ITFG1: variants seen among roughly 807,000 people sequenced by gnomAD.
ITFG1 encodes integrin alpha FG-GAP repeat containing 1.
In ITFG1, 34 loss-of-function variants were observed where a neutral mutation model predicts 81.8. The observed-to-expected ratio is 0.42, with a 90% CI of 0.32 to 0.55. ITFG1 has a LOEUF of 0.55. Among genes scored for constraint, ITFG1 ranks in the 20% least tolerant of loss-of-function variants. The pLI is 0.17. For synonymous variants in ITFG1, 285 were observed against 270.6 expected, an observed-to-expected ratio of 1.05 and a Z score of -0.52; for missense variants, 672 against 755.4, an observed-to-expected ratio of 0.89 and a Z score of 1.29.
intron 10 of ITFG1, among the ~76,000 whole-genome samples, chr16:47,273,975 G>A (rs1001138957): frequency 1.3e-5 from 2 of 152,042 alleles, no homozygotes; most frequent in Non-Finnish European, 2.9e-5. Context: ...AGAATTAATC[G>A]GCTGGGCGTG....
At chr16:47,355,772 G>C (rs938526905) in intron 8 of ITFG1, among the ~76,000 whole-genome samples, 3 of 151,686 alleles carry the variant, frequency 2.0e-5, no homozygotes, top group African/African-American at 4.8e-5. Flanking sequence ...CTATTGCTTG[G>C]GTTTATTTTT....
At chr16:47,157,781 G>A (rs1299108889) in intron 17 of ITFG1, among the ~76,000 whole-genome samples, 6 of 152,070 alleles carry the variant, frequency 3.9e-5, no homozygotes, top group East Asian at 1.9e-4. Context: ...GAACAAACAC[G>A]GTAATTCTAG....
intron 8 of ITFG1, among the ~76,000 whole-genome samples, chr16:47,358,323 A>G (rs1051462198): frequency 4.6e-5 from 7 of 152,246 alleles, no homozygotes; most frequent in Non-Finnish European, 7.3e-5. Flanking sequence ...ACATGGAAAC[A>G]GAATTGGCAC....
chr16:47,236,339 G>A (rs1173885975), intron 13 of ITFG1, among the ~76,000 whole-genome samples: 1 of 152,074 alleles, frequency 6.6e-6, no homozygotes, highest in Non-Finnish European at 1.5e-5. Context: ...GCCGGGCATG[G>A]TGGCAGGCAC....
At chr16:47,305,116 A>G (rs2151561463) in intron 10 of ITFG1, among the ~76,000 whole-genome samples, 1 of 152,334 alleles carries the variant, frequency 6.6e-6, no homozygotes, top group South Asian at 2.1e-4. Context: ...ACTAGTGTAT[A>G]AGTAATGAAA....
At chr16:47,352,629 C>G (rs190433387) in intron 8 of ITFG1, among the ~76,000 whole-genome samples, 1 of 152,298 alleles carries the variant, frequency 6.6e-6, no homozygotes, top group Admixed American at 6.5e-5. Flanking sequence ...ACTAGTTCAA[C>G]CATTGTGGGA....
intron 12 of ITFG1, among the ~76,000 whole-genome samples, chr16:47,247,790 G>T (rs1966020354): frequency 6.6e-6 from 1 of 151,812 alleles, no homozygotes; most frequent in Admixed American, 6.6e-5. Context: ...GTAGTTTCAG[G>T]TGCTTAATAC....
At chr16:47,368,724 C>T (rs1968211930) in intron 7 of ITFG1, among the ~76,000 whole-genome samples, 1 of 152,076 alleles carries the variant, frequency 6.6e-6, no homozygotes, top group South Asian at 2.1e-4. Flanking sequence ...AACAGATTAC[C>T]CCACTGAAGG....
intron 10 of ITFG1, among the ~76,000 whole-genome samples, chr16:47,295,500 T>C (rs1966969295): frequency 6.6e-6 from 1 of 152,216 alleles, no homozygotes; most frequent in Non-Finnish European, 1.5e-5. Context: ...CACCACTCAT[T>C]ATTGATCTGT....
intron 10 of ITFG1, chr16:47,263,350 G>C: frequency 4.2e-6 from 2 of 479,192 alleles, no homozygotes; most frequent in South Asian, 3.2e-5. Flanking sequence ...TGGCCCATGA[G>C]GTAAGCTACC....
chr16:47,241,682 G>A (rs1473939627), intron 12 of ITFG1, among the ~76,000 whole-genome samples: 3 of 152,182 alleles, frequency 2.0e-5, no homozygotes, highest in South Asian at 2.1e-4. Context: ...AAGGCCGGGC[G>A]CGGTGGCTCA....
Position 47,439,502 on chromosome 16 carries a change from C to G in ITFG1, c.561-10604G>C, listed in dbSNP as rs547279091. On this transcript the variant is annotated intron_variant, in intron 5 of 17. Transcript: ENST00000320640. The stretch of plus-strand genomic sequence containing the variant: ...AGCTGATCTCTCGGCAGAAACTCTA[C>G]AAGCCAGAAGAGAGTGGGGGCCAAT... Among the ~76,000 whole-genome samples, 582 of 152,356 alleles carry G rather than the reference C, an allele frequency of 3.8e-3. 4 individuals carry two copies. The highest frequency in any genetic ancestry group is 0.018 in the South Asian group (88 of 4,830).
intron 14 of ITFG1, among the ~76,000 whole-genome samples, chr16:47,215,508 AT>A (rs1965614837): frequency 6.6e-6 from 1 of 152,222 alleles, no homozygotes; most frequent in Non-Finnish European, 1.5e-5. Flanking sequence ...CCAAGAGATA[AT>A]CATAGTAACA....
intron 5 of ITFG1, among the ~76,000 whole-genome samples, chr16:47,433,941 T>C (rs1969129964): frequency 7.0e-6 from 1 of 141,980 alleles, no homozygotes; most frequent in African/African-American, 2.6e-5. Context: ...AATAGGTTTA[T>C]AGTTGAAAGT....
At chr16:47,367,412 A>C (rs561231288) in intron 7 of ITFG1, among the ~76,000 whole-genome samples, 2 of 152,298 alleles carry the variant, frequency 1.3e-5, no homozygotes, top group African/African-American at 4.8e-5. Flanking sequence ...CCAATCCTCT[A>C]ATCATGTCTT....
At chr16:47,445,611 T>C (rs975964228) in intron 5 of ITFG1, among the ~76,000 whole-genome samples, 4 of 152,198 alleles carry the variant, frequency 2.6e-5, no homozygotes, top group Non-Finnish European at 4.4e-5. Flanking sequence ...GCCGTGCCTA[T>C]ATCAGGAGGT....
intron 12 of ITFG1, among the ~76,000 whole-genome samples, chr16:47,239,981 T>C (rs1965915138): frequency 6.6e-6 from 1 of 151,900 alleles, no homozygotes. Context: ...TAAATACTTG[T>C]TAAAGGAGGA....
intron 16 of ITFG1, among the ~76,000 whole-genome samples, chr16:47,160,783 C>T (rs566385181): frequency 6.6e-6 from 1 of 152,224 alleles, no homozygotes; most frequent in African/African-American, 2.4e-5. Context: ...ATGGTACTTG[C>T]CAATTTTCAT....
intron 14 of ITFG1, among the ~76,000 whole-genome samples, chr16:47,164,281 C>T (rs1444104330): frequency 6.6e-6 from 1 of 151,676 alleles, no homozygotes; most frequent in Non-Finnish European, 1.5e-5. Flanking sequence ...TTTTATTCTA[C>T]ATCTGGCTTC....
Sources: gnomAD v4.1 joint callset for allele counts (sites outside exome capture counted in the v4.1 genomes callset) on GRCh38, gnomAD v4.1.1 for gene constraint, MANE v1.5 for transcripts, NCBI Gene and HGNC (gene_info 2026-07-23, HGNC 2026-07-21) for gene names.